The following RIC1 variants were observed in gnomAD, a reference collection of about 807,000 sequenced individuals.
The protein encoded by RIC1 is guanine nucleotide exchange factor subunit RIC1.
In RIC1, 88 loss-of-function variants were observed where a neutral mutation model predicts 169.0. The ratio of observed to expected loss-of-function variants is 0.52; its 90% CI spans 0.44 to 0.62. The LOEUF (loss-of-function observed/expected upper bound fraction) is 0.62, where lower values mean the gene tolerates loss of function less well. Ranked by LOEUF, RIC1 falls within the 20% of genes least tolerant of loss-of-function variation. The pLI is 0.00. For synonymous variants in RIC1, 790 were observed against 601.5 expected (o/e 1.31, Z -4.59); for missense variants, 1,877 against 1,725.5 (o/e 1.09, Z -1.56).
chr9:5,664,543 C>G (rs1012015820), intron 2 of RIC1, among the ~76,000 whole-genome samples: 2 of 152,182 alleles, frequency 1.3e-5, no homozygotes, highest in Non-Finnish European at 2.9e-5. Context: ...CTGCCCTTAA[C>G]ATTTTTCTTT....
chr9:5,679,696 C>A (rs866350236), intron 2 of RIC1, among the ~76,000 whole-genome samples: 29 of 152,256 alleles, frequency 1.9e-4, no homozygotes, highest in African/African-American at 6.7e-4. Flanking sequence ...ATTTTGTATC[C>A]TGAGACTTTG....
chr9:5,738,696 G>A (rs749081029), intron 8 of RIC1, among the ~76,000 whole-genome samples, 158 bp downstream of exon 8: 2 of 152,052 alleles, frequency 1.3e-5, no homozygotes, highest in Non-Finnish European at 2.9e-5. Context: ...GAAATTGATT[G>A]AGGGGCCGTG....
At chr9:5,750,181 A>C (rs1251127874) in intron 12 of RIC1, among the ~76,000 whole-genome samples, 1 of 151,862 alleles carries the variant, frequency 6.6e-6, no homozygotes, top group Non-Finnish European at 1.5e-5. Context: ...TGGGGCACAA[A>C]CTATTGAAAT....
intron 23 of RIC1, among the ~76,000 whole-genome samples, chr9:5,772,317 G>A (rs1265560319): frequency 6.6e-6 from 1 of 152,144 alleles, no homozygotes; most frequent in Non-Finnish European, 1.5e-5. Context: ...TTTTATTGAG[G>A]GAGTTGGGGA....
At chr9:5,749,344 G>A (rs1825584052) in intron 12 of RIC1, among the ~76,000 whole-genome samples, 1 of 152,180 alleles carries the variant, frequency 6.6e-6, no homozygotes, top group Non-Finnish European at 1.5e-5. Flanking sequence ...AGTTATGGTG[G>A]CGGTGTATAG....
intron 3 of RIC1, among the ~76,000 whole-genome samples, chr9:5,704,562 T>G (rs1822442014): frequency 6.6e-6 from 1 of 152,218 alleles, no homozygotes; most frequent in Non-Finnish European, 1.5e-5. Context: ...AAGAATTATT[T>G]ATATATTCTG....
chr9:5,772,451 T>A (rs1234946516), intron 23 of RIC1, 113 bp from the exon 24 acceptor site: 14 of 809,794 alleles, frequency 1.7e-5, no homozygotes, highest in Non-Finnish European at 2.4e-5. Context: ...ATTTCATGTT[T>A]TAGTTTCAAG....
chr9:5,740,497 T>C (rs544339079), intron 8 of RIC1, among the ~76,000 whole-genome samples: 1 of 151,850 alleles, frequency 6.6e-6, no homozygotes, highest in African/African-American at 2.4e-5. Context: ...TTATTAAGTA[T>C]TAATAAATGA....
chr9:5,683,247 C>G (rs1161452783), intron 2 of RIC1, among the ~76,000 whole-genome samples: 2 of 152,172 alleles, frequency 1.3e-5, no homozygotes, highest in Non-Finnish European at 2.9e-5. Flanking sequence ...TCCGGTTTTT[C>G]TGCTCTGTTT....
At chr9:5,735,626 C>T (rs1824651863) in intron 7 of RIC1, among the ~76,000 whole-genome samples, 1 of 152,352 alleles carries the variant, frequency 6.6e-6, no homozygotes, top group Non-Finnish European at 1.5e-5. Context: ...AAACCAGTGT[C>T]TGCTAGTCCA....
chr9:5,692,444 T>C (rs930865679), intron 3 of RIC1, among the ~76,000 whole-genome samples: 12 of 152,210 alleles, frequency 7.9e-5, no homozygotes, highest in Middle Eastern at 3.4e-3. Context: ...AAGTGTTTAC[T>C]TCATTTCTAA....
chr9:5,663,980 C>T (rs1351800184), intron 2 of RIC1, among the ~76,000 whole-genome samples: 3 of 152,132 alleles, frequency 2.0e-5, no homozygotes, highest in Admixed American at 6.5e-5. Flanking sequence ...CCTTCAGGAG[C>T]TCTTGCAAAG....
chr9:5,638,020 C>T (rs1313697296), intron 1 of RIC1, among the ~76,000 whole-genome samples: 1 of 152,102 alleles, frequency 6.6e-6, no homozygotes, highest in Non-Finnish European at 1.5e-5. Context: ...GAGGTATGTT[C>T]CTTCTATACC....
chr9:5,629,388 T>G lies in RIC1; in HGVS notation c.79T>G (p.Ser27Ala). 6.5e-7 allele frequency: 1 copy of G among 1,534,342 alleles called. No homozygotes were observed. Among genetic ancestry groups the G allele is most frequent in the Non-Finnish European group, 8.7e-7 (1 of 1,146,212 alleles). The change falls in exon 1 of 26, where the codon TCC becomes GCC. Residue 27 changes from serine to alanine, a missense_variant. By Grantham distance (99) the Ser-to-Ala change is moderately conservative. This residue lies in a region of RIC1 where 1,104 missense variants were observed against 992.0 expected (regional missense o/e 1.11). Transcript: ENST00000414202. ...SPAEAPFHVQ[S>A]DPQRAFFAVL... The stretch of plus-strand genomic sequence containing the variant: ...GGCCGAGGCGCCTTTCCACGTTCAG[T>G]CCGACCCGCAGAGGGCTTTCTTCGC...
intron 3 of RIC1, among the ~76,000 whole-genome samples, chr9:5,701,918 C>G (rs1402171340): frequency 6.6e-6 from 1 of 152,120 alleles, no homozygotes; most frequent in Non-Finnish European, 1.5e-5. Context: ...GTGCATACAT[C>G]CCACTTATGC....
chr9:5,711,796 A>ATTCCCAC (rs1822943258), intron 3 of RIC1, among the ~76,000 whole-genome samples: 1 of 152,040 alleles, frequency 6.6e-6, no homozygotes, highest in Non-Finnish European at 1.5e-5. Flanking sequence ...TCATTGTTCA[A>ATTCCCAC]TTCCCACCTA....
At chr9:5,656,255 T>C (rs1819092413) in intron 1 of RIC1, among the ~76,000 whole-genome samples, 2 of 152,242 alleles carry the variant, frequency 1.3e-5, no homozygotes, top group African/African-American at 4.8e-5. Flanking sequence ...CTCCTGCTTC[T>C]ATCTTGTGGA....
intron 2 of RIC1, among the ~76,000 whole-genome samples, chr9:5,679,882 A>G (rs1820707302): frequency 6.6e-6 from 1 of 152,146 alleles, no homozygotes; most frequent in African/African-American, 2.4e-5. Flanking sequence ...ACTATGTTGA[A>G]TAGGAGTGGT....
chr9:5,719,666 G>T (rs1823469777), intron 4 of RIC1, among the ~76,000 whole-genome samples: 1 of 152,122 alleles, frequency 6.6e-6, no homozygotes, highest in Non-Finnish European at 1.5e-5. Flanking sequence ...TAAAATTTCA[G>T]TTATTTTATT....
Sources: gnomAD v4.1 joint callset for allele counts (sites outside exome capture counted in the v4.1 genomes callset) on GRCh38, gnomAD v4.1.1 for gene constraint, gnomAD v4.1.1 regional missense constraint, MANE v1.5 for transcripts, NCBI Gene and HGNC (gene_info 2026-07-23, HGNC 2026-07-21) for gene names.